The following LY86 variants were observed in gnomAD, a reference collection of about 807,000 sequenced individuals.
LY86 encodes lymphocyte antigen 86.
A neutral mutation model predicts 17.3 loss-of-function variants in LY86; 20 were observed. The ratio of observed to expected loss-of-function variants is 1.15; its 90% CI spans 0.81 to 1.68. The LOEUF (loss-of-function observed/expected upper bound fraction) is 1.68. Among genes scored for constraint, LY86 ranks in the 40% most tolerant of loss-of-function variants. LY86 has a pLI of 0.00. For missense variants in LY86, 200 were observed against 191.9 expected, an observed-to-expected ratio of 1.04 and a Z score of -0.25; for synonymous variants, 74 against 70.6, an observed-to-expected ratio of 1.05 and a Z score of -0.24.
At chr6:6,602,055 C>T (rs1482122179) in intron 1 of LY86, among the ~76,000 whole-genome samples, 2 of 152,228 alleles carry the variant, frequency 1.3e-5, no homozygotes, top group Non-Finnish European at 2.9e-5. Context: ...CCTTTTATGC[C>T]ACCTGACCCT....
At chr6:6,646,156 G>A (rs941253881) in intron 3 of LY86, among the ~76,000 whole-genome samples, 12 of 152,084 alleles carry the variant, frequency 7.9e-5, no homozygotes, top group Admixed American at 5.2e-4. Context: ...AATGAACCCC[G>A]GGCAGGATGT....
intron 1 of LY86, among the ~76,000 whole-genome samples, chr6:6,610,419 C>G (rs1016986392): frequency 1.3e-5 from 2 of 152,174 alleles, no homozygotes; most frequent in Non-Finnish European, 2.9e-5. Context: ...AGGCCCTGAG[C>G]CCCCAGAGTC....
chr6:6,603,534 G>GCAA (rs955470315), intron 1 of LY86, among the ~76,000 whole-genome samples: 1 of 146,876 alleles, frequency 6.8e-6, no homozygotes, highest in East Asian at 2.0e-4. Flanking sequence ...AAAAAAAATA[G>GCAA]CAACAACAAC....
At position 6,654,676 on chromosome 6, in the gene LY86, C is replaced by A; in HGVS notation, c.*49C>A. 6.7e-7 allele frequency: 1 copy of A among 1,498,914 alleles called. No homozygotes were observed. The highest frequency in any genetic ancestry group is 1.4e-5 in the African/African-American group (1 of 72,648). 92.9% of individuals were successfully genotyped at this position (1,498,914 alleles called of 1,614,324 possible). A position where few individuals can be genotyped will look rare whatever the true frequency, so the allele number is the denominator to read the frequency against. ...AGCCAGCTGCATCTCGTGGGACCTC[C>A]AAGCTCCTCTGACTGAACCTACTGT... On this transcript the variant is annotated 3_prime_UTR_variant, in exon 5 of 5. Coordinates refer to ENST00000230568, the MANE Select transcript of LY86 (RefSeq NM_004271.4).
chr6:6,609,653 T>C lies in LY86; in HGVS notation c.137-15273T>C, dbSNP rs571378889. On this transcript the variant is annotated intron_variant, in intron 1 of 4. Transcript: ENST00000230568. ...TTATGAGTCAGCTCTGCCAACAGGA[T>C]TGCTTCCTAGGAAAAGTGCAAATTG... is the stretch of plus-strand genomic sequence containing the variant. 3.4e-4 allele frequency among the ~76,000 whole-genome samples: 51 copies of C among 152,226 alleles called. 4 individuals are homozygous for C. The South Asian group carries it at 0.011, about 32-fold the overall frequency.
At chr6:6,625,451 C>T (rs1345711191) in intron 2 of LY86, among the ~76,000 whole-genome samples, 7 of 152,160 alleles carry the variant, frequency 4.6e-5, no homozygotes, top group African/African-American at 1.4e-4. Context: ...ACTTTGACAT[C>T]GGCAAGGAGG....
chr6:6,637,008 T>TG (rs1327047905), intron 3 of LY86, among the ~76,000 whole-genome samples: 32 of 146,912 alleles, frequency 2.2e-4, no homozygotes, highest in African/African-American at 7.5e-4. Context: ...ATATTGGTTT[T>TG]TTTTTTTTTT....
intron 1 of LY86, among the ~76,000 whole-genome samples, chr6:6,609,862 A>G (rs77710923): frequency 0.017 from 2,627 of 151,698 alleles, 84 homozygotes; most frequent in African/African-American, 0.059. Flanking sequence ...AAAAAAAAAG[A>G]ATTCGTGCTT....
Position 6,654,716 on chromosome 6 carries a change from C to G in LY86, c.*89C>G. 4 of 1,132,404 alleles carry G rather than the reference C, an allele frequency of 3.5e-6. No homozygotes were observed. The highest frequency in any genetic ancestry group is 5.3e-6 in the Non-Finnish European group (4 of 756,692). The allele number at this position is 1,132,404 out of a possible 1,614,324, so 70.1% of individuals were successfully genotyped here. A position where few individuals can be genotyped will look rare whatever the true frequency, so the allele number is the denominator to read the frequency against. On this transcript the variant is annotated 3_prime_UTR_variant, in exon 5 of 5. Coordinates refer to ENST00000230568, the MANE Select transcript of LY86 (RefSeq NM_004271.4). ...GAACCTACTGTGGGAGGAGAAGCAG[C>G]TGATGACAGAGAGAGGCTCTACAAA...
At chr6:6,605,415 C>T (rs1761081515) in intron 1 of LY86, among the ~76,000 whole-genome samples, 1 of 152,206 alleles carries the variant, frequency 6.6e-6, no homozygotes, top group African/African-American at 2.4e-5. Flanking sequence ...TCGCAATGAA[C>T]AGACCTCCAA....
At chr6:6,629,205 G>C (rs1761860509) in intron 3 of LY86, among the ~76,000 whole-genome samples, 1 of 152,210 alleles carries the variant, frequency 6.6e-6, no homozygotes, top group Non-Finnish European at 1.5e-5. Flanking sequence ...ACTTCATATA[G>C]TGTAAAATAT....
rs553050531 is a variant in LY86, at chr6:6,606,526, G to A, written c.136+17656G>A. Among the ~76,000 whole-genome samples, 59 of 152,310 alleles carry A rather than the reference G, an allele frequency of 3.9e-4. 1 individual carries two copies. The South Asian group carries it at 0.011, about 28-fold the overall frequency. ...ACCGGGGCGCCGTGTAGCAGGGGGC[G>A]GCGCTCGTCGGGGAGGCTTGGGCGG... On this transcript the variant is annotated intron_variant, in intron 1 of 4. Coordinates refer to ENST00000230568, the MANE Select transcript of LY86 (RefSeq NM_004271.4).
At chr6:6,606,637 C>T (rs913100186) in intron 1 of LY86, among the ~76,000 whole-genome samples, 15 of 152,190 alleles carry the variant, frequency 9.9e-5, no homozygotes, top group South Asian at 2.1e-4. Context: ...AGCTAAGGCC[C>T]GGCGAGAAAT....
chr6:6,651,037 C>T (rs551887033), intron 4 of LY86, among the ~76,000 whole-genome samples: 40 of 152,138 alleles, frequency 2.6e-4, no homozygotes, highest in African/African-American at 9.4e-4. Context: ...CATGTTGCCA[C>T]AAATGACAAG....
chr6:6,591,050 T>C (rs3804464), intron 1 of LY86: 48,639 of 153,608 alleles, frequency 0.32, 8,194 homozygotes, highest in Non-Finnish European at 0.38. Context: ...TCATTTTCAG[T>C]GCAGGATGAG....
chr6:6,593,184 G>A (rs1242971749), intron 1 of LY86, among the ~76,000 whole-genome samples: 3 of 152,260 alleles, frequency 2.0e-5, no homozygotes, highest in Non-Finnish European at 4.4e-5. Context: ...GAAACTCTGG[G>A]GGAGAATCCC....
At chr6:6,636,902 A>C (rs1267949884) in intron 3 of LY86, among the ~76,000 whole-genome samples, 3 of 151,906 alleles carry the variant, frequency 2.0e-5, no homozygotes, top group Non-Finnish European at 2.9e-5. Flanking sequence ...CAAAAAAAAA[A>C]AAAACAGAAC....
chr6:6,627,668 C>T (rs1163852936), intron 3 of LY86, among the ~76,000 whole-genome samples: 2 of 152,190 alleles, frequency 1.3e-5, no homozygotes, highest in Non-Finnish European at 2.9e-5. Context: ...AATACAGACA[C>T]ACGCAGAGCA....
At chr6:6,602,078 C>T (rs1251997139) in intron 1 of LY86, among the ~76,000 whole-genome samples, 1 of 152,210 alleles carries the variant, frequency 6.6e-6, no homozygotes, top group Admixed American at 6.5e-5. Context: ...CACCTTCCTT[C>T]CCCTTCTTGA....
Sources: gnomAD v4.1 joint callset for allele counts (sites outside exome capture counted in the v4.1 genomes callset) on GRCh38, gnomAD v4.1.1 for gene constraint, MANE v1.5 for transcripts, NCBI Gene and HGNC (gene_info 2026-07-23, HGNC 2026-07-21) for gene names.